Variants in MAPT observed in about 807,000 individuals in gnomAD.
MAPT encodes the protein microtubule-associated protein tau.
In MAPT, 34 loss-of-function variants were observed where a neutral mutation model predicts 67.9. The ratio of observed to expected loss-of-function variants is 0.50; its 90% CI spans 0.38 to 0.67. MAPT has a LOEUF of 0.67. Among genes scored for constraint, MAPT ranks in the 30% least tolerant of loss-of-function variants. MAPT has a pLI of 0.00. For synonymous variants in MAPT, 456 were observed against 464.5 expected, an observed-to-expected ratio of 0.98 and a Z score of 0.23; for missense variants, 881 against 1,115.2, an observed-to-expected ratio of 0.79 and a Z score of 2.99.
At chr17:45,941,994 C>A (rs2068044324) in intron 1 of MAPT, among the ~76,000 whole-genome samples, 1 of 151,968 alleles carries the variant, frequency 6.6e-6, no homozygotes, top group African/African-American at 2.4e-5. Context: ...CTCAGTGGAA[C>A]ATGACTCTGT....
At chr17:45,924,512 A>G (rs2066075691) in intron 1 of MAPT, among the ~76,000 whole-genome samples, 1 of 152,194 alleles carries the variant, frequency 6.6e-6, no homozygotes, top group South Asian at 2.1e-4. Context: ...AACAGTGCCA[A>G]AAGTATGGGA....
At chr17:46,017,319 G>A (rs944357824) in intron 11 of MAPT, among the ~76,000 whole-genome samples, 5 of 152,136 alleles carry the variant, frequency 3.3e-5, no homozygotes, top group Non-Finnish European at 7.4e-5. Flanking sequence ...CTGTTCCCAG[G>A]CTGGAGTGCA....
chr17:45,983,977 C>T (rs910479562), intron 5 of MAPT, 47 bp downstream of exon 5: 1 of 1,452,472 alleles, frequency 6.9e-7, no homozygotes, highest in South Asian at 1.4e-5. Flanking sequence ...ACCTCCCAGG[C>T]CTCCCAGGCT....
At chr17:45,916,835 G>A (rs899852035) in intron 1 of MAPT, among the ~76,000 whole-genome samples, 7 of 152,174 alleles carry the variant, frequency 4.6e-5, no homozygotes, top group Non-Finnish European at 1.0e-4. Context: ...CCTCCCCAGA[G>A]TCACACAGCA....
chr17:45,925,404 C>T (rs997920765), intron 1 of MAPT, among the ~76,000 whole-genome samples: 12 of 152,234 alleles, frequency 7.9e-5, no homozygotes, highest in African/African-American at 2.9e-4. Flanking sequence ...CCATACAATG[C>T]TAGTCAGAGT....
chr17:45,951,286 T>C (rs751502694), intron 1 of MAPT, among the ~76,000 whole-genome samples: 1 of 152,246 alleles, frequency 6.6e-6, no homozygotes, highest in African/African-American at 2.4e-5. Flanking sequence ...ATAGAGGTGA[T>C]AGTTGTACAA....
chr17:45,958,646 G>A lies in MAPT; in HGVS notation c.-17-3675G>A, dbSNP rs535185914. Among the ~76,000 whole-genome samples the A allele has an allele frequency of 7.9e-5, 12 of 151,882 alleles. No individual in the cohort carries two copies. The East Asian group carries it at 1.7e-3, about 22-fold the overall frequency. ...TGAGGTGGGTGGATCACTTGAGCCCGGGAGGTAGAGTCTGCAGTGAGCCAA... is the reference window on the plus strand; with the variant it reads ...TGAGGTGGGTGGATCACTTGAGCCCAGGAGGTAGAGTCTGCAGTGAGCCAA... On this transcript the variant is annotated intron_variant, in intron 1 of 12. Coordinates refer to ENST00000262410, the MANE Select transcript of MAPT (RefSeq NM_001377265.1).
chr17:45,930,581 G>T (rs2066758742), intron 1 of MAPT, among the ~76,000 whole-genome samples: 1 of 152,144 alleles, frequency 6.6e-6, no homozygotes, highest in African/African-American at 2.4e-5. Flanking sequence ...TAAGTCACTT[G>T]TCCCAGGCCA....
intron 8 of MAPT, among the ~76,000 whole-genome samples, chr17:45,992,738 A>G (rs2074163332): frequency 6.6e-6 from 1 of 152,050 alleles, no homozygotes; most frequent in Admixed American, 6.6e-5. Flanking sequence ...AAAATACAAA[A>G]TAATTAGCTG....
intron 1 of MAPT, among the ~76,000 whole-genome samples, chr17:45,917,732 G>A (rs17564153): frequency 0.14 from 21,829 of 151,920 alleles, 2,144 homozygotes; most frequent in Middle Eastern, 0.22. Flanking sequence ...TGGTCCATCC[G>A]TAAAGTGAAC....
intron 1 of MAPT, among the ~76,000 whole-genome samples, chr17:45,916,505 A>G (rs1375855479): frequency 6.6e-6 from 1 of 151,972 alleles, no homozygotes; most frequent in African/African-American, 2.4e-5. Context: ...CAGTCACCCC[A>G]ACTCCCAGTG....
At chr17:45,928,603 A>T (rs1051604088) in intron 1 of MAPT, among the ~76,000 whole-genome samples, 1 of 152,144 alleles carries the variant, frequency 6.6e-6, no homozygotes. Flanking sequence ...TAAAGCCACA[A>T]TGCAAGACTC....
At chr17:45,895,521 C>G (rs1201140081) in intron 1 of MAPT, 2 of 152,290 alleles carry the variant, frequency 1.3e-5, no homozygotes, top group Non-Finnish European at 2.9e-5. Context: ...CGCTGGTCCC[C>G]GTTCGCGGGC....
At chr17:45,961,199 T>C (rs1364985780) in intron 1 of MAPT, among the ~76,000 whole-genome samples, 1 of 151,974 alleles carries the variant, frequency 6.6e-6, no homozygotes, top group Non-Finnish European at 1.5e-5. Flanking sequence ...AAATTCAAAG[T>C]TATGAATTAT....
At chr17:45,908,226 T>A (rs2064467668) in intron 1 of MAPT, 1 of 152,252 alleles carries the variant, frequency 6.6e-6, no homozygotes, top group Non-Finnish European at 1.5e-5. Context: ...AGCTCATTTT[T>A]CTTCCGGCTC....
intron 10 of MAPT, among the ~76,000 whole-genome samples, chr17:46,011,915 G>A (rs117641629): frequency 0.015 from 2,338 of 152,304 alleles, 22 homozygotes; most frequent in Non-Finnish European, 0.024. Flanking sequence ...TGCTGCATGG[G>A]GCTAACTAAC....
intron 1 of MAPT, among the ~76,000 whole-genome samples, chr17:45,946,476 G>A (rs35163442): frequency 0.14 from 21,344 of 150,902 alleles, 2,057 homozygotes; most frequent in Non-Finnish European, 0.21. Flanking sequence ...GTGGGTGCCT[G>A]TAGTCCCAGC....
intron 1 of MAPT, among the ~76,000 whole-genome samples, chr17:45,905,301 C>T (rs1372874674): frequency 6.6e-6 from 1 of 152,184 alleles, no homozygotes; most frequent in East Asian, 1.9e-4. Flanking sequence ...GGGTTCAGTT[C>T]TTCCTTTAGT....
chr17:45,946,377 GGATCACTT>G (rs922128404), intron 1 of MAPT, among the ~76,000 whole-genome samples: 164 of 152,012 alleles, frequency 1.1e-3, no homozygotes, highest in African/African-American at 3.9e-3. Flanking sequence ...TGAGGTGAGT[GGATCACTT>G]GAGGTCAGGA....
Sources: allele counts gnomAD v4.1 joint callset (sites outside exome capture counted in the v4.1 genomes callset), GRCh38; gene constraint gnomAD v4.1.1; transcripts MANE v1.5; gene names NCBI Gene and HGNC (gene_info 2026-07-23, HGNC 2026-07-21).